EED: variants seen among roughly 807,000 people sequenced by gnomAD.
EED encodes the protein embryonic ectoderm development, also known as polycomb protein EED.
In EED, 9 loss-of-function variants were observed where a neutral mutation model predicts 61.0. The observed-to-expected ratio is 0.15, with a 90% CI of 0.09 to 0.26. The LOEUF (loss-of-function observed/expected upper bound fraction) is 0.26, where lower values mean the gene tolerates loss of function less well. EED is among the 10% of genes least tolerant of loss of function. EED has a pLI of 1.00. For missense variants in EED, 315 were observed against 542.3 expected (o/e 0.58, Z 4.16); for synonymous variants, 187 against 174.4 (o/e 1.07, Z -0.57).
In EED at chr11:86,268,498, C is replaced by A. The variant is rs775659115; in HGVS notation, c.903C>A (p.Thr301=). The A allele has an allele frequency of 6.2e-7, 1 of 1,606,180 alleles. No individual in the cohort carries two copies. Among genetic ancestry groups the A allele is most frequent in the Admixed American group, 1.7e-5 (1 of 59,058 alleles). ...AAATCCATTTTCCTGATTTTTCTAC[C>A]AGAGACATACATAGGAATTATGTTG... The part of the protein sequence containing the change: ...SQKIHFPDFS[T]RDIHRNYVDC... Residue 301 remains threonine, a synonymous_variant, in exon 9 of 12, where the codon ACC becomes ACA. Transcript: ENST00000263360.
chr11:86,259,474 G>A (rs1945771188), intron 6 of EED, among the ~76,000 whole-genome samples: 1 of 151,952 alleles, frequency 6.6e-6, no homozygotes, highest in Non-Finnish European at 1.5e-5. Flanking sequence ...GCCATACCTG[G>A]CTAATTTTGT....
At chr11:86,272,789 T>A (rs1173793565) in intron 9 of EED, among the ~76,000 whole-genome samples, 1 of 152,202 alleles carries the variant, frequency 6.6e-6, no homozygotes, top group Non-Finnish European at 1.5e-5. Flanking sequence ...GATGATATAG[T>A]TGGGTCATTT....
chr11:86,286,842 G>A, the EED span, among the ~76,000 whole-genome samples: 1 of 151,798 alleles, frequency 6.6e-6, no homozygotes, highest in South Asian at 2.1e-4. Flanking sequence ...CACGGTGGTG[G>A]GCACCTGTAG....
intron 6 of EED, among the ~76,000 whole-genome samples, chr11:86,263,429 G>A (rs769634632): frequency 3.9e-5 from 6 of 152,180 alleles, no homozygotes; most frequent in Non-Finnish European, 5.9e-5. Context: ...CAATAGTCCC[G>A]TTTCTGAGTA....
chr11:86,274,127 TA>T (rs750461536), intron 9 of EED, among the ~76,000 whole-genome samples: 38 of 150,778 alleles, frequency 2.5e-4, no homozygotes, highest in South Asian at 8.4e-4. Context: ...TCAGATTGGG[TA>T]ATTTCTATTG....
At chr11:86,280,076 C>T (rs1353512147), downstream of EED, among the ~76,000 whole-genome samples, 1 of 152,072 alleles carries the variant, frequency 6.6e-6, no homozygotes. Flanking sequence ...TTCACTACTC[C>T]ATTCTTGAGG....
At position 86,255,285 on chromosome 11, in the gene EED, G is replaced by A; in HGVS notation, c.424G>A (p.Asp142Asn). The change falls in exon 4 of 12, where the codon GAT becomes AAT. Residue 142 changes from aspartate (D) to asparagine (N), a missense_variant and splice_region_variant. Around this residue, in one of 2 missense-constraint regions of EED, gnomAD observed 205 missense variants for 455.4 expected, o/e 0.45. Coordinates refer to ENST00000263360, the MANE Select transcript of EED (RefSeq NM_003797.5). ...IRLLQSYVDA[D>N]ADENFYTCAW... is the part of the protein sequence containing the mutation. ...GTTGTTGCAATCTTACGTGGATGCT[G>A]ATGTATCCTTTCCTGGGTTTTTAAT... is the stretch of plus-strand genomic sequence containing the variant. 1 of 1,606,038 alleles carries A rather than the reference G, an allele frequency of 6.2e-7. No homozygotes were observed.
At chr11:86,264,489 G>A (rs1460674327) in intron 7 of EED, 1 of 351,234 alleles carries the variant, frequency 2.8e-6, no homozygotes, top group Admixed American at 4.5e-5. Context: ...CCAATCCCTG[G>A]AGTCTTATGA....
At chr11:86,256,562 TG>T (rs1401840652) in intron 5 of EED, 50 bp downstream of exon 5, 14 of 1,451,450 alleles carry the variant, frequency 9.6e-6, no homozygotes, top group Non-Finnish European at 9.2e-7. Flanking sequence ...AATCCACAAC[TG>T]TAAAAACTTG....
At chr11:86,280,965 C>G (rs945116376), downstream of EED, among the ~76,000 whole-genome samples, 7 of 152,188 alleles carry the variant, frequency 4.6e-5, no homozygotes, top group Non-Finnish European at 8.8e-5. Flanking sequence ...TGGTGAATCA[C>G]ATTTATTAAT....
Position 86,274,713 on chromosome 11 carries a change from A to T in EED, c.967-2267A>T, listed in dbSNP as rs556353763. On this transcript the variant is annotated intron_variant, in intron 9 of 11. Coordinates refer to ENST00000263360, the MANE Select transcript of EED (RefSeq NM_003797.5). ...CTGCCCCCCCTAGTGGTCTCCATTT[A>T]CACTCTGGGTAGTTGGTGGTGGCTT... is the stretch of plus-strand genomic sequence containing the variant. 2.0e-5 allele frequency among the ~76,000 whole-genome samples: 3 copies of T among 152,224 alleles called. No homozygotes were observed. The South Asian group carries it at 6.2e-4, about 32-fold the overall frequency.
Position 86,245,125 on chromosome 11 carries a change from G to A in EED, c.-105G>A, listed in dbSNP as rs1289261395. 6.1e-6 allele frequency: 5 copies of A among 822,458 alleles called. No homozygotes were observed. Among genetic ancestry groups the A allele is most frequent in the African/African-American group, 1.8e-5 (1 of 54,956 alleles). 50.9% of individuals were successfully genotyped at this position (822,458 alleles called of 1,614,324 possible). A position where few individuals can be genotyped will look rare whatever the true frequency, so the allele number is the denominator to read the frequency against. On this transcript the variant is annotated 5_prime_UTR_variant, in exon 1 of 12. Coordinates refer to ENST00000263360, the MANE Select transcript of EED (RefSeq NM_003797.5). ...CAGTGGGGGGGGCGGTGGAGGTGGC[G>A]GCGGCAGCGGCAACTTTGCGGCAAG...
chr11:86,251,582 C>T (rs149930355), intron 2 of EED, among the ~76,000 whole-genome samples: 129 of 152,288 alleles, frequency 8.5e-4, no homozygotes, highest in African/African-American at 3.1e-3. Flanking sequence ...GTTCTTTGTA[C>T]ATCTCCTATA....
chr11:86,268,342 A>G, intron 8 of EED, 114 bp from the exon 9 acceptor site: 1 of 614,606 alleles, frequency 1.6e-6, no homozygotes, highest in Non-Finnish European at 2.8e-6. Context: ...AACACAGAGG[A>G]ATTAATAGTC....
In EED at chr11:86,278,623, G is replaced by A; in HGVS notation, c.*98G>A. The A allele has an allele frequency of 6.8e-7, 1 of 1,477,760 alleles. No individual in the cohort carries two copies. The highest frequency in any genetic ancestry group is 9.1e-7 in the Non-Finnish European group (1 of 1,097,878). 91.5% of individuals were successfully genotyped at this position (1,477,760 alleles called of 1,614,324 possible). On this transcript the variant is annotated 3_prime_UTR_variant, in exon 12 of 12. Transcript: ENST00000263360. The stretch of plus-strand genomic sequence containing the variant: ...AAGGGCACGTAGAGCATTTAGAGTT[G>A]TCTTTCAGCATTCAATCAGGCTGAG...
chr11:86,246,932 T>G (rs891518948), intron 1 of EED, among the ~76,000 whole-genome samples: 3 of 152,204 alleles, frequency 2.0e-5, no homozygotes, highest in African/African-American at 7.2e-5. Context: ...ATAGCTAAAG[T>G]ACTAAGAAGA....
At chr11:86,249,063 T>C (rs1487348685) in intron 1 of EED, among the ~76,000 whole-genome samples, 1 of 152,144 alleles carries the variant, frequency 6.6e-6, no homozygotes, top group Non-Finnish European at 1.5e-5. Flanking sequence ...CTTGGAAGGA[T>C]GTGCTATATA....
At chr11:86,252,295 A>G in intron 3 of EED, 55 bp downstream of exon 3, 2 of 1,232,914 alleles carry the variant, frequency 1.6e-6, no homozygotes, top group Non-Finnish European at 2.3e-6. Context: ...TCTGGTGTTA[A>G]TGTAATATTG....
At chr11:86,256,944 TA>T (rs374115349) in intron 5 of EED, among the ~76,000 whole-genome samples, 73 of 152,312 alleles carry the variant, frequency 4.8e-4, no homozygotes, top group African/African-American at 1.5e-3. Flanking sequence ...ACTGTTGGGC[TA>T]CATCACACTC....
Sources: gnomAD v4.1 joint callset for allele counts (sites outside exome capture counted in the v4.1 genomes callset) on GRCh38, gnomAD v4.1.1 for gene constraint, gnomAD v4.1.1 regional missense constraint, MANE v1.5 for transcripts, NCBI Gene and HGNC (gene_info 2026-07-23, HGNC 2026-07-21) for gene names.